The following JAZF1 variants were observed in gnomAD, a reference collection of about 807,000 sequenced individuals.
The protein encoded by JAZF1 is juxtaposed with another zinc finger protein 1.
A neutral mutation model predicts 26.4 loss-of-function variants in JAZF1; 8 were observed. The observed-to-expected ratio is 0.30, with a 90% CI of 0.18 to 0.55. The LOEUF (loss-of-function observed/expected upper bound fraction) is 0.55. Among genes scored for constraint, JAZF1 ranks in the 20% least tolerant of loss-of-function variants. The probability of loss-of-function intolerance (pLI) is 0.94; values close to 1 mark genes in which losing one functional copy is unlikely to be tolerated. For synonymous variants in JAZF1, 126 were observed against 122.3 expected (o/e 1.03, Z -0.20); for missense variants, 199 against 322.0 (o/e 0.62, Z 2.92).
chr7:28,026,441 G>C (rs535385881), intron 1 of JAZF1, among the ~76,000 whole-genome samples: 4 of 152,262 alleles, frequency 2.6e-5, no homozygotes, highest in Admixed American at 2.6e-4. Context: ...ACAGTCCCTG[G>C]CACTTGTGGC....
intron 1 of JAZF1, among the ~76,000 whole-genome samples, chr7:28,140,477 C>T (rs1782945816): frequency 6.6e-6 from 1 of 152,124 alleles, no homozygotes; most frequent in Non-Finnish European, 1.5e-5. Context: ...GAAATACTCA[C>T]TACAGTATTT....
chr7:28,022,099 A>C (rs1243269452), intron 1 of JAZF1, among the ~76,000 whole-genome samples: 1 of 152,246 alleles, frequency 6.6e-6, no homozygotes, highest in Non-Finnish European at 1.5e-5. Context: ...CTTCACAGAA[A>C]GCACTGAAGA....
intron 3 of JAZF1, among the ~76,000 whole-genome samples, chr7:27,893,466 G>C (rs748264981): frequency 2.6e-5 from 4 of 152,094 alleles, no homozygotes; most frequent in Admixed American, 2.6e-4. Flanking sequence ...TCTTACACTC[G>C]GGCCACCTGG....
chr7:27,946,881 G>A (rs141817627), intron 2 of JAZF1, among the ~76,000 whole-genome samples: 3 of 152,260 alleles, frequency 2.0e-5, no homozygotes, highest in African/African-American at 7.2e-5. Flanking sequence ...GTAAACTACG[G>A]TGGTCTTTTA....
chr7:27,838,379 C>T (rs1330579552), intron 4 of JAZF1, among the ~76,000 whole-genome samples: 1 of 152,160 alleles, frequency 6.6e-6, no homozygotes, highest in African/African-American at 2.4e-5. Context: ...CTCCCATTCC[C>T]TGCTCTGCAT....
chr7:28,155,472 G>C (rs75533230), intron 1 of JAZF1, among the ~76,000 whole-genome samples: 1 of 152,128 alleles, frequency 6.6e-6, no homozygotes, highest in Admixed American at 6.5e-5. Flanking sequence ...AGAGTTATAC[G>C]GTCTTCATTC....
At chr7:28,160,462 A>G (rs1179780664) in intron 1 of JAZF1, among the ~76,000 whole-genome samples, 1 of 152,110 alleles carries the variant, frequency 6.6e-6, no homozygotes, top group Non-Finnish European at 1.5e-5. Context: ...CAGCACTTAC[A>G]GAAGGGCCTG....
intron 3 of JAZF1, among the ~76,000 whole-genome samples, chr7:27,882,712 TTTA>T (rs2128339779): frequency 6.6e-6 from 1 of 152,326 alleles, no homozygotes; most frequent in South Asian, 2.1e-4. Flanking sequence ...TGGGGATCAT[TTTA>T]TTGTTAAAAC....
At chr7:28,178,498 GA>G (rs1389017434) in intron 1 of JAZF1, among the ~76,000 whole-genome samples, 1 of 152,054 alleles carries the variant, frequency 6.6e-6, no homozygotes, top group Admixed American at 6.5e-5. Context: ...TAAGTCAAGA[GA>G]AATTATTTAT....
intron 1 of JAZF1, among the ~76,000 whole-genome samples, chr7:28,109,594 A>G (rs1391571321): frequency 6.6e-6 from 1 of 152,198 alleles, no homozygotes; most frequent in African/African-American, 2.4e-5. Context: ...TCCATCCTCA[A>G]CACTGTGAAA....
intron 1 of JAZF1, among the ~76,000 whole-genome samples, chr7:28,138,157 C>A (rs1782912764): frequency 6.6e-6 from 1 of 152,158 alleles, no homozygotes; most frequent in Non-Finnish European, 1.5e-5. Flanking sequence ...CTCTGCAGGG[C>A]TTATGTATTT....
intron 2 of JAZF1, among the ~76,000 whole-genome samples, chr7:27,909,432 C>T (rs1401901093): frequency 2.0e-5 from 3 of 151,764 alleles, no homozygotes; most frequent in South Asian, 2.1e-4. Context: ...ACTGGCCGGG[C>T]GCGGTGGCTC....
At chr7:27,992,410 T>C (rs1785924638) in intron 1 of JAZF1, among the ~76,000 whole-genome samples, 2 of 152,258 alleles carry the variant, frequency 1.3e-5, no homozygotes, top group African/African-American at 4.8e-5. Context: ...GTATTGTTCT[T>C]GTTCACGGAA....
At chr7:27,879,486 C>A (rs1362766696) in intron 3 of JAZF1, among the ~76,000 whole-genome samples, 1 of 152,134 alleles carries the variant, frequency 6.6e-6, no homozygotes, top group Non-Finnish European at 1.5e-5. Context: ...GTATGCAGAA[C>A]TGATACGCTT....
At chr7:28,141,362 T>C (rs998302572) in intron 1 of JAZF1, among the ~76,000 whole-genome samples, 2 of 152,222 alleles carry the variant, frequency 1.3e-5, no homozygotes, top group Non-Finnish European at 2.9e-5. Context: ...CTAAGTTCTT[T>C]AGGTACACAG....
At chr7:28,047,819 CG>C (rs1783522807) in intron 1 of JAZF1, among the ~76,000 whole-genome samples, 1 of 152,106 alleles carries the variant, frequency 6.6e-6, no homozygotes, top group South Asian at 2.1e-4. Flanking sequence ...TACAATACCA[CG>C]GAGTATTATT....
At chr7:28,022,794 T>C (rs1783028623) in intron 1 of JAZF1, among the ~76,000 whole-genome samples, 1 of 152,218 alleles carries the variant, frequency 6.6e-6, no homozygotes. Context: ...GGAGTCTCTG[T>C]TGTCCAGGCT....
At chr7:27,889,473 T>C (rs1007037716) in intron 3 of JAZF1, among the ~76,000 whole-genome samples, 2 of 152,224 alleles carry the variant, frequency 1.3e-5, no homozygotes, top group African/African-American at 4.8e-5. Flanking sequence ...TTAGGGCCAG[T>C]AATTCTATAT....
intron 1 of JAZF1, among the ~76,000 whole-genome samples, chr7:28,039,936 GC>G (rs756158448): frequency 6.6e-6 from 1 of 152,086 alleles, no homozygotes; most frequent in Non-Finnish European, 1.5e-5. Flanking sequence ...ATTAACTGGA[GC>G]TTTTTTGCAT....
Sources: allele counts gnomAD v4.1 joint callset (sites outside exome capture counted in the v4.1 genomes callset), GRCh38; gene constraint gnomAD v4.1.1; transcripts MANE v1.5; gene names NCBI Gene and HGNC (gene_info 2026-07-23, HGNC 2026-07-21).